SPATA7: variants seen among roughly 807,000 people sequenced by gnomAD.
SPATA7 encodes the protein spermatogenesis-associated protein 7.
SPATA7 carries 43 observed loss-of-function variants against 51.8 expected under a neutral mutation model. The observed-to-expected ratio is 0.83, with a 90% CI of 0.65 to 1.07. The LOEUF is 1.07. Ranked by LOEUF, SPATA7 falls within the 50% of genes least tolerant of loss-of-function variation. The probability of loss-of-function intolerance (pLI) is 0.00; values close to 1 mark genes in which losing one functional copy is unlikely to be tolerated. For synonymous variants in SPATA7, 230 were observed against 252.8 expected, an observed-to-expected ratio of 0.91 and a Z score of 0.86; for missense variants, 683 against 701.3, an observed-to-expected ratio of 0.97 and a Z score of 0.30.
downstream of SPATA7, chr14:88,455,321 G>A (rs2077277080): frequency 1.7e-5 from 4 of 231,428 alleles, no homozygotes; most frequent in South Asian, 2.3e-4. Flanking sequence ...TGACAGATTG[G>A]CACCTACTAA....
chr14:88,385,757 G>A lies in SPATA7; in HGVS notation c.-62G>A, dbSNP rs886050872. ...GTCCTCCACTGCCGGGGCTGGGCCC[G>A]GCCGCGGGAAGGACCGAAGGGGATA... On this transcript the variant is annotated 5_prime_UTR_variant, in exon 1 of 12. Coordinates refer to ENST00000393545, the MANE Select transcript of SPATA7 (RefSeq NM_018418.5). The A allele has an allele frequency of 6.5e-7, 1 of 1,536,544 alleles. No homozygotes were observed. Among genetic ancestry groups the A allele is most frequent in the Non-Finnish European group, 8.9e-7 (1 of 1,122,744 alleles).
chr14:88,393,566 C>A, intron 3 of SPATA7, 78 bp downstream of exon 3: 1 of 1,039,222 alleles, frequency 9.6e-7, no homozygotes, highest in Non-Finnish European at 1.5e-6. Context: ...ATATCTATAG[C>A]AAAAATGAAT....
chr14:88,452,305 A>C (rs1401292483), intron 3 of SPATA7, among the ~76,000 whole-genome samples: 1 of 152,188 alleles, frequency 6.6e-6, no homozygotes, highest in Non-Finnish European at 1.5e-5. Flanking sequence ...GGATACCAGC[A>C]CCTGCTCAAG....
intron 4 of SPATA7, among the ~76,000 whole-genome samples, chr14:88,464,580 AT>A (rs1430059716): frequency 6.6e-6 from 1 of 152,076 alleles, no homozygotes; most frequent in Admixed American, 6.5e-5. Flanking sequence ...AAAATTAAAA[AT>A]TAGCCGGGCG....
chr14:88,447,666 T>G (rs1453548693), intron 3 of SPATA7, among the ~76,000 whole-genome samples: 2 of 151,806 alleles, frequency 1.3e-5, no homozygotes, highest in African/African-American at 2.4e-5. Flanking sequence ...AGGAGCTCTT[T>G]TAGGGCAGGC....
intron 3 of SPATA7, among the ~76,000 whole-genome samples, chr14:88,451,147 T>A (rs1294105018): frequency 6.6e-6 from 1 of 152,170 alleles, no homozygotes; most frequent in Non-Finnish European, 1.5e-5. Flanking sequence ...GTTCTTCATT[T>A]CTAGAAGTTG....
chr14:88,468,024 C>G (rs2077391695), intron 4 of SPATA7: 1 of 1,336,298 alleles, frequency 7.5e-7, no homozygotes, highest in African/African-American at 1.5e-5. Flanking sequence ...ACTTACGTCC[C>G]AGTGCCACGC....
intron 6 of SPATA7, among the ~76,000 whole-genome samples, 163 bp downstream of exon 6, chr14:88,426,867 A>G (rs1027634363): frequency 6.6e-6 from 1 of 152,250 alleles, no homozygotes; most frequent in African/African-American, 2.4e-5. Context: ...CACTAGAACT[A>G]TCAGAGTAAT....
chr14:88,457,582 C>G (rs954239760), downstream of SPATA7, among the ~76,000 whole-genome samples: 2 of 152,130 alleles, frequency 1.3e-5, no homozygotes, highest in Non-Finnish European at 2.9e-5. Context: ...ATTTTGTATC[C>G]AGAGACTTTG....
chr14:88,409,741 C>A (rs2076290227), intron 4 of SPATA7, among the ~76,000 whole-genome samples: 1 of 152,098 alleles, frequency 6.6e-6, no homozygotes, highest in Non-Finnish European at 1.5e-5. Flanking sequence ...CTGTAAATAT[C>A]CCTCTAAACA....
chr14:88,403,938 A>T (rs1566758571), intron 4 of SPATA7, among the ~76,000 whole-genome samples: 1 of 152,218 alleles, frequency 6.6e-6, no homozygotes, highest in Non-Finnish European at 1.5e-5. Context: ...ATGTTAGGTG[A>T]TAGATGTATT....
At chr14:88,468,415 C>T (rs2077400212) in intron 4 of SPATA7, 1 of 734,576 alleles carries the variant, frequency 1.4e-6, no homozygotes, top group Admixed American at 3.4e-5. Flanking sequence ...CCATGATTGC[C>T]TACTTCTGAT....
intron 3 of SPATA7, among the ~76,000 whole-genome samples, chr14:88,443,946 G>A (rs1325400371): frequency 7.9e-5 from 12 of 152,062 alleles, no homozygotes; most frequent in Admixed American, 2.6e-4. Context: ...ATAAACATAC[G>A]TGTGCATGTG....
At chr14:88,427,441 T>C (rs1343093730) in intron 6 of SPATA7, among the ~76,000 whole-genome samples, 189 bp from the exon 7 acceptor site, 1 of 152,138 alleles carries the variant, frequency 6.6e-6, no homozygotes, top group Middle Eastern at 3.2e-3. Context: ...TGAATATAGA[T>C]AAGTACAGTG....
intron 5 of SPATA7, among the ~76,000 whole-genome samples, chr14:88,421,705 CT>C (rs1349113805): frequency 6.6e-6 from 1 of 152,206 alleles, no homozygotes; most frequent in Admixed American, 6.5e-5. Flanking sequence ...AATCCCAGCA[CT>C]TTGGGAGGCT....
chr14:88,438,270 G>A lies in SPATA7; in HGVS notation c.1648G>A (p.Val550Ile). The A allele has an allele frequency of 6.2e-7, 1 of 1,614,058 alleles. No individual in the cohort carries two copies. Among genetic ancestry groups the A allele is most frequent in the African/African-American group, 1.3e-5 (1 of 75,036 alleles). Residue 550 changes from valine to isoleucine, a missense_variant, in exon 12 of 12, where the codon GTT becomes ATT. Val to Ile is a conservative substitution (Grantham distance 29). Coordinates refer to ENST00000393545, the MANE Select transcript of SPATA7 (RefSeq NM_018418.5). ...TGAAGGTGATAGTGACCCTGAAAAG[G>A]TTGAGATTTCAAATGGATTATGTGG... Reference protein sequence around the residue: ...VIEGDSDPEKVEISNGLCGLN... With the variant: ...VIEGDSDPEKIEISNGLCGLN...
chr14:88,431,130 CA>C (rs1386703676), intron 8 of SPATA7, 41 bp from the exon 9 acceptor site: 6 of 1,565,320 alleles, frequency 3.8e-6, no homozygotes, highest in Non-Finnish European at 4.4e-6. Flanking sequence ...TATTGTATGC[CA>C]ACCACTGTTT....
chr14:88,403,746 G>A (rs2076132726), intron 4 of SPATA7, among the ~76,000 whole-genome samples: 1 of 152,186 alleles, frequency 6.6e-6, no homozygotes, highest in African/African-American at 2.4e-5. Context: ...GGGGCTACAG[G>A]AAGGAGGAAA....
chr14:88,398,876 C>T (rs1052178835), intron 4 of SPATA7, among the ~76,000 whole-genome samples: 3 of 151,652 alleles, frequency 2.0e-5, no homozygotes, highest in Admixed American at 6.6e-5. Flanking sequence ...CACGGTGAAA[C>T]CCTGTCTCTA....
Sources: gnomAD v4.1 joint callset for allele counts (sites outside exome capture counted in the v4.1 genomes callset) on GRCh38, gnomAD v4.1.1 for gene constraint, MANE v1.5 for transcripts, NCBI Gene and HGNC (gene_info 2026-07-23, HGNC 2026-07-21) for gene names.